The following CSMD1 variants were observed in gnomAD, a reference collection of about 807,000 sequenced individuals.
CSMD1 encodes the protein CUB and sushi domain-containing protein 1.
A neutral mutation model predicts 417.5 loss-of-function variants in CSMD1; 213 were observed. The observed-to-expected ratio is 0.51, with a 90% CI of 0.46 to 0.57. CSMD1 has a LOEUF of 0.57. Among genes scored for constraint, CSMD1 ranks in the 20% least tolerant of loss-of-function variants. The pLI is 0.00. For missense variants in CSMD1, 6,923 were observed against 4,529.7 expected, an observed-to-expected ratio of 1.53 and a Z score of -15.17; for synonymous variants, 2,862 against 1,736.8, an observed-to-expected ratio of 1.65 and a Z score of -16.11.
In CSMD1 at chr8:3,997,731, G is replaced by T. The variant is rs931299942; in HGVS notation, c.818+172C>A. 3.3e-5 allele frequency among the ~76,000 whole-genome samples: 5 copies of T among 152,074 alleles called. No homozygotes were observed. The East Asian group carries it at 9.7e-4, about 29-fold the overall frequency. On this transcript the variant is annotated intron_variant, in intron 5 of 69. Transcript: ENST00000635120. ...AGCACAAAGACATCTTAGAAACTTT[G>T]AAATTACTCACAGTAAAGGTAACTT...
intron 18 of CSMD1, among the ~76,000 whole-genome samples, chr8:3,385,027 TATA>T (rs1315021895): frequency 8.6e-6 from 1 of 116,718 alleles, no homozygotes; most frequent in African/African-American, 3.4e-5. Context: ...AATATATAAA[TATA>T]ATATATATAA....
rs140787634 is a variant in CSMD1 at position 4,620,778 on chromosome 8, T to C, written c.302+16564A>G. 6.8e-3 allele frequency among the ~76,000 whole-genome samples: 1,035 copies of C among 152,018 alleles called. 99 individuals carry two copies. In the East Asian group the frequency reaches 0.17, roughly 25 times the overall value. On this transcript the variant is annotated intron_variant, in intron 2 of 69. Transcript: ENST00000635120. ...ATATGGAGGGAAACATAGCATTAAC[T>C]ACTTATTTATAAAAAAGAGAGAGCC...
At chr8:4,701,200 T>G (rs577737713) in intron 1 of CSMD1, among the ~76,000 whole-genome samples, 1 of 152,160 alleles carries the variant, frequency 6.6e-6, no homozygotes, top group African/African-American at 2.4e-5. Flanking sequence ...GTGCCCCTAG[T>G]TCCCGACTGT....
At chr8:3,968,159 C>G (rs915301630) in intron 5 of CSMD1, among the ~76,000 whole-genome samples, 2 of 151,420 alleles carry the variant, frequency 1.3e-5, no homozygotes, top group Non-Finnish European at 2.9e-5. Context: ...TGCACTCCAG[C>G]CTGGGTGACA....
intron 26 of CSMD1, among the ~76,000 whole-genome samples, chr8:3,240,451 G>T (rs917801221): frequency 6.6e-6 from 1 of 151,836 alleles, no homozygotes; most frequent in African/African-American, 2.4e-5. Context: ...TAGGTGTTGG[G>T]GTTTGAGAGA....
chr8:3,725,593 A>AT (rs1802436864), intron 6 of CSMD1, among the ~76,000 whole-genome samples: 1 of 152,064 alleles, frequency 6.6e-6, no homozygotes, highest in African/African-American at 2.4e-5. Context: ...AGGAAGCCTG[A>AT]TGGCTTAGGA....
chr8:4,264,032 G>A (rs1585122207), intron 3 of CSMD1, among the ~76,000 whole-genome samples: 1 of 152,166 alleles, frequency 6.6e-6, no homozygotes, highest in South Asian at 2.1e-4. Flanking sequence ...CTAGCTCCAT[G>A]AACTTGGGCA....
At chr8:4,978,623 T>C (rs1810700537) in intron 1 of CSMD1, among the ~76,000 whole-genome samples, 1 of 152,184 alleles carries the variant, frequency 6.6e-6, no homozygotes, top group Non-Finnish European at 1.5e-5. Context: ...TGGTGCTTTT[T>C]TGAACAAAAG....
intron 37 of CSMD1, among the ~76,000 whole-genome samples, chr8:3,164,071 C>T (rs573601710): frequency 3.9e-5 from 6 of 152,286 alleles, no homozygotes; most frequent in African/African-American, 1.2e-4. Context: ...CCAAATCCTT[C>T]ACCAGCTTGC....
intron 9 of CSMD1, among the ~76,000 whole-genome samples, chr8:3,578,995 C>G (rs1800268206): frequency 6.6e-6 from 1 of 152,146 alleles, no homozygotes; most frequent in Non-Finnish European, 1.5e-5. Context: ...AAGGCCTTGC[C>G]TCTTGGAAAT....
chr8:4,619,671 AG>A (rs1801660262), intron 2 of CSMD1, among the ~76,000 whole-genome samples: 1 of 152,174 alleles, frequency 6.6e-6, no homozygotes, highest in Admixed American at 6.6e-5. Context: ...GAAGTGCCAA[AG>A]ATATGTCACT....
At chr8:4,901,788 G>C (rs1177451570) in intron 1 of CSMD1, among the ~76,000 whole-genome samples, 1 of 152,148 alleles carries the variant, frequency 6.6e-6, no homozygotes, top group Non-Finnish European at 1.5e-5. Context: ...TCCTTGGAGG[G>C]AGGCACAATT....
At chr8:3,558,721 G>A (rs28391385) in intron 10 of CSMD1, among the ~76,000 whole-genome samples, 82,525 of 138,282 alleles carry the variant, frequency 0.6, 24,191 homozygotes, top group African/African-American at 0.71. Context: ...TAGTGCTTCA[G>A]TAGTACCCCG....
intron 3 of CSMD1, among the ~76,000 whole-genome samples, chr8:4,363,800 C>T (rs757745921): frequency 1.3e-5 from 2 of 152,072 alleles, no homozygotes; most frequent in African/African-American, 4.8e-5. Context: ...ATCTCATTTT[C>T]TTTATAAATT....
chr8:4,208,913 C>T (rs192887069), intron 3 of CSMD1, among the ~76,000 whole-genome samples: 4 of 152,164 alleles, frequency 2.6e-5, no homozygotes, highest in Non-Finnish European at 5.9e-5. Flanking sequence ...TTTATATATG[C>T]CCTGTAGACA....
rs147525055 is a variant in CSMD1 at position 4,839,999 on chromosome 8, G to A, written c.85+154333C>T. On this transcript the variant is annotated intron_variant, in intron 1 of 69. Coordinates refer to ENST00000635120, the MANE Select transcript of CSMD1 (RefSeq NM_033225.6). ...TAAAATAGGAATGTGGAACTTACAG[G>A]TGCTTTTTGTCCTGCATGCACAAAA... 1.5e-3 allele frequency among the ~76,000 whole-genome samples: 225 copies of A among 152,198 alleles called. 2 individuals carry two copies. Among genetic ancestry groups the A allele is most frequent in the African/African-American group, 5.2e-3 (216 of 41,508 alleles).
rs1289517885 is a variant in CSMD1 at position 4,416,757 on chromosome 8, T to G, written c.415+3196A>C. ...AATATGTGTCAGCCTTTGTCTCATG[T>G]CAATTTTCTGACTTCCTAGATGTTT... On this transcript the variant is annotated intron_variant, in intron 3 of 69. Coordinates refer to ENST00000635120, the MANE Select transcript of CSMD1 (RefSeq NM_033225.6). Among the ~76,000 whole-genome samples the G allele has an allele frequency of 3.3e-5, 5 of 152,246 alleles. No homozygotes were observed. In the South Asian group the frequency reaches 1.0e-3, roughly 32 times the overall value.
intron 5 of CSMD1, among the ~76,000 whole-genome samples, chr8:3,911,387 G>T (rs897257706): frequency 6.6e-6 from 1 of 151,724 alleles, no homozygotes; most frequent in Non-Finnish European, 1.5e-5. Context: ...AATTAGCTGG[G>T]TATGGTGGCG....
chr8:4,757,711 C>G (rs10088216), intron 1 of CSMD1, among the ~76,000 whole-genome samples: 1,887 of 152,184 alleles, frequency 0.012, 29 homozygotes, highest in African/African-American at 0.043. Context: ...GTAATCCTAT[C>G]ACTTTGGGAG....
Sources: allele counts gnomAD v4.1 joint callset (sites outside exome capture counted in the v4.1 genomes callset), GRCh38; gene constraint gnomAD v4.1.1; transcripts MANE v1.5; gene names NCBI Gene and HGNC (gene_info 2026-07-23, HGNC 2026-07-21).